GALNS: variants seen among roughly 807,000 people sequenced by gnomAD.
GALNS encodes galactosamine (N-acetyl)-6-sulfatase.
Under a neutral mutation model 65.9 loss-of-function variants are expected in GALNS, and 65 were observed. The ratio of observed to expected loss-of-function variants is 0.99; its 90% CI spans 0.81 to 1.21. The LOEUF (loss-of-function observed/expected upper bound fraction) is 1.21, where lower values mean the gene tolerates loss of function less well. Ranked by LOEUF, GALNS falls within the 50% of genes most tolerant of loss-of-function variation. The pLI is 0.00. For missense variants in GALNS, 776 were observed against 700.7 expected (o/e 1.11, Z -1.21); for synonymous variants, 346 against 288.9 (o/e 1.20, Z -2.00).
rs181985033 is a variant in GALNS, at chr16:88,847,241, C to T, written c.121-4412G>A. The stretch of plus-strand genomic sequence containing the variant: ...AAAAAATCAGCTGGGCATGGTGGCA[C>T]ACACCTGTAATCCCAGCTACTTGGG... On this transcript the variant is annotated intron_variant, in intron 1 of 13. Transcript: ENST00000268695. 3.6e-3 allele frequency among the ~76,000 whole-genome samples: 552 copies of T among 152,210 alleles called. 2 individuals carry two copies. Among genetic ancestry groups the T allele is most frequent in the African/African-American group, 0.012 (517 of 41,514 alleles).
At chr16:88,840,941 C>A in intron 4 of GALNS, 51 bp downstream of exon 4, 1 of 1,428,214 alleles carries the variant, frequency 7.0e-7, no homozygotes, top group South Asian at 1.1e-5. Flanking sequence ...GAACCAAGGC[C>A]AGGAAGTGGA....
chr16:88,842,845 C>G lies in GALNS; in HGVS notation c.121-16G>C. 6.2e-7 allele frequency: 1 copy of G among 1,612,448 alleles called. No individual in the cohort carries two copies. The highest frequency in any genetic ancestry group is 2.2e-5 in the East Asian group (1 of 44,850). ...CCCATCCCATCTGCAGGGAAGAGCACGGGGAGGAGGAATGAGCGCCTTCTG... is the reference window on the plus strand; with the variant it reads ...CCCATCCCATCTGCAGGGAAGAGCAGGGGGAGGAGGAATGAGCGCCTTCTG... On this transcript the variant is annotated splice_polypyrimidine_tract_variant and intron_variant, in intron 1 of 13. Coordinates refer to ENST00000268695, the MANE Select transcript of GALNS (RefSeq NM_000512.5).
intron 9 of GALNS, among the ~76,000 whole-genome samples, chr16:88,828,670 G>T (rs1226810780): frequency 6.6e-6 from 1 of 152,252 alleles, no homozygotes; most frequent in Non-Finnish European, 1.5e-5. Context: ...AGGGAGCGAG[G>T]CAGATGGCAA....
intron 1 of GALNS, among the ~76,000 whole-genome samples, chr16:88,846,000 C>CAAAA (rs1967226543): frequency 6.6e-6 from 1 of 151,944 alleles, no homozygotes; most frequent in South Asian, 2.1e-4. Context: ...AACAAACAAA[C>CAAAA]AAAAAAAGAT....
chr16:88,853,107 T>A (rs1394734654), intron 1 of GALNS, among the ~76,000 whole-genome samples: 2 of 151,118 alleles, frequency 1.3e-5, no homozygotes, highest in Non-Finnish European at 2.9e-5. Flanking sequence ...AAAAATTAGC[T>A]GGGCACGGTG....
intron 2 of GALNS, 104 bp downstream of exon 2, chr16:88,842,602 A>G: frequency 7.1e-7 from 1 of 1,415,788 alleles, no homozygotes. Flanking sequence ...TAGTAGGAAT[A>G]GACAAGGTTG....
intron 1 of GALNS, among the ~76,000 whole-genome samples, chr16:88,845,893 T>C (rs1351133062): frequency 1.4e-5 from 2 of 145,456 alleles, no homozygotes; most frequent in Non-Finnish European, 3.0e-5. Context: ...GAGGCTGAGG[T>C]AGGAGGATCA....
chr16:88,825,757 CG>C (rs1481638597), intron 10 of GALNS, among the ~76,000 whole-genome samples: 1 of 152,056 alleles, frequency 6.6e-6, no homozygotes, highest in African/African-American at 2.4e-5. Flanking sequence ...GAGTCAGGAA[CG>C]GGGAGTGGGG....
intron 13 of GALNS, among the ~76,000 whole-genome samples, chr16:88,817,688 T>C (rs1453164257): frequency 6.6e-6 from 1 of 152,202 alleles, no homozygotes; most frequent in African/African-American, 2.4e-5. Context: ...CGCCCTGCTG[T>C]CCCTCAGTGA....
chr16:88,835,949 C>T (rs574528684), intron 6 of GALNS, 100 bp from the exon 7 acceptor site: 75 of 1,555,902 alleles, frequency 4.8e-5, no homozygotes, highest in Middle Eastern at 3.7e-4. Flanking sequence ...GAGGTTGGTG[C>T]GGTCCCCGTC....
intron 1 of GALNS, among the ~76,000 whole-genome samples, chr16:88,849,284 ATT>A (rs1967399349): frequency 6.6e-6 from 1 of 150,988 alleles, no homozygotes; most frequent in African/African-American, 2.4e-5. Flanking sequence ...CCAGTTAATT[ATT>A]ATTATCATTA....
intron 13 of GALNS, chr16:88,817,439 A>G: frequency 4.1e-6 from 4 of 985,362 alleles, no homozygotes; most frequent in Non-Finnish European, 4.8e-6. Flanking sequence ...ATCAGGTCTG[A>G]TGCGAAGGTC....
At chr16:88,822,950 C>A (rs1910402464) in intron 11 of GALNS, among the ~76,000 whole-genome samples, 1 of 152,198 alleles carries the variant, frequency 6.6e-6, no homozygotes, top group South Asian at 2.1e-4. Flanking sequence ...GGCCCATAAG[C>A]ATCCTGTGGA....
chr16:88,826,950 G>C, intron 9 of GALNS, 112 bp from the exon 10 acceptor site: 1 of 1,281,796 alleles, frequency 7.8e-7, no homozygotes, highest in African/African-American at 1.5e-5. Flanking sequence ...CTACAGATAT[G>C]CATACATGCT....
chr16:88,853,319 G>C (rs1286454087), intron 1 of GALNS, among the ~76,000 whole-genome samples: 1 of 150,666 alleles, frequency 6.6e-6, no homozygotes, highest in Non-Finnish European at 1.5e-5. Context: ...AGCGAGCACA[G>C]CTGTGAGCCA....
chr16:88,828,494 G>A lies in GALNS; in HGVS notation c.1003-1656C>T, dbSNP rs534653362. Among the ~76,000 whole-genome samples the A allele has an allele frequency of 4.1e-4, 62 of 152,330 alleles. No homozygotes were observed. The South Asian group carries it at 4.1e-3, about 10-fold the overall frequency. ...CCTCCCCTGCCCAGAGGGAACTGTCGGGACAGACGTCAGGCGCTTTCACTG... is the reference window on the plus strand; with the variant it reads ...CCTCCCCTGCCCAGAGGGAACTGTCAGGACAGACGTCAGGCGCTTTCACTG... On this transcript the variant is annotated intron_variant, in intron 9 of 13. Coordinates refer to ENST00000268695, the MANE Select transcript of GALNS (RefSeq NM_000512.5).
rs1332096468 is a variant in GALNS, at chr16:88,824,910, A to G, written c.1140-41T>C. ...GGAGGACCATGTAATGACAGGAAGG[A>G]CACGCTGGGGCCACCTGGAGGCTCT... On this transcript the variant is annotated intron_variant, in intron 10 of 13. Coordinates refer to ENST00000268695, the MANE Select transcript of GALNS (RefSeq NM_000512.5). The G allele has an allele frequency of 4.5e-6, 7 of 1,566,564 alleles. No individual in the cohort carries two copies. In the Admixed American group the frequency reaches 1.0e-4, roughly 22 times the overall value.
chr16:88,854,314 C>T (rs1302693450), intron 1 of GALNS, among the ~76,000 whole-genome samples: 1 of 152,202 alleles, frequency 6.6e-6, no homozygotes, highest in Non-Finnish European at 1.5e-5. Context: ...GCGGAGGAAG[C>T]CCCGGACTCC....
rs769112202 is a variant in GALNS at position 88,842,759 on chromosome 16, G to A, written c.191C>T (p.Ala64Val). 6.2e-7 allele frequency: 1 copy of A among 1,613,048 alleles called. No homozygotes were observed. Among genetic ancestry groups the A allele is most frequent in the East Asian group, 2.2e-5 (1 of 44,860 alleles). ...RETPNLDRMA[A>V]EGLLFPNFYS... ...GAAGTTTGGGAAAAGCAGCCCTTCT[G>A]CAGCCATCCGGTCCAAATTCGGGGT... The change falls in exon 2 of 14, where the codon GCA (alanine) becomes GTA (valine). Residue 64 changes from alanine to valine, a missense_variant. Physicochemically the swap from Ala to Val is moderately conservative, Grantham distance 64. Coordinates refer to ENST00000268695, the MANE Select transcript of GALNS (RefSeq NM_000512.5).
Sources: allele counts gnomAD v4.1 joint callset (sites outside exome capture counted in the v4.1 genomes callset), GRCh38; gene constraint gnomAD v4.1.1; transcripts MANE v1.5; gene names NCBI Gene and HGNC (gene_info 2026-07-23, HGNC 2026-07-21).